Variants in RANBP17 observed in about 807,000 individuals in gnomAD.
RANBP17 encodes ran-binding protein 17.
Under a neutral mutation model 141.2 loss-of-function variants are expected in RANBP17, and 158 were observed. The observed-to-expected ratio is 1.12, with a 90% CI of 0.98 to 1.28. The LOEUF (loss-of-function observed/expected upper bound fraction) is 1.28, where lower values mean the gene tolerates loss of function less well. RANBP17 is among the 50% of genes most tolerant of loss of function. The pLI, the probability that RANBP17 is intolerant of heterozygous loss-of-function variation, is 0.00. For missense variants in RANBP17, 1,438 were observed against 1,290.7 expected (o/e 1.11, Z -1.75); for synonymous variants, 430 against 450.0 (o/e 0.96, Z 0.56).
At chr5:171,238,258 T>C (rs894559802) in intron 22 of RANBP17, among the ~76,000 whole-genome samples, 10 of 152,172 alleles carry the variant, frequency 6.6e-5, no homozygotes, top group Non-Finnish European at 1.0e-4. Flanking sequence ...AGGTCTGATT[T>C]TTCACACAAA....
Position 171,007,741 on chromosome 5 carries a change from C to T in RANBP17, c.1710+39364C>T, listed in dbSNP as rs191640564. Among the ~76,000 whole-genome samples the T allele has an allele frequency of 5.7e-3, 862 of 152,110 alleles. 5 individuals are homozygous for T. Among genetic ancestry groups the T allele is most frequent in the South Asian group, 0.025 (122 of 4,798 alleles). Reference sequence around the variant, plus strand: ...TTTTCTGGCCATTTAGAACCATTGTCGAGTTTGTACTGGGGCCAAGCAGTG... The same window carrying T: ...TTTTCTGGCCATTTAGAACCATTGTTGAGTTTGTACTGGGGCCAAGCAGTG... On this transcript the variant is annotated intron_variant, in intron 14 of 27. Coordinates refer to ENST00000523189, the MANE Select transcript of RANBP17 (RefSeq NM_022897.5).
intron 14 of RANBP17, among the ~76,000 whole-genome samples, chr5:171,061,648 G>T (rs1783863347): frequency 1.3e-5 from 2 of 152,156 alleles, no homozygotes; most frequent in South Asian, 2.1e-4. Flanking sequence ...TGTTGATTTG[G>T]GGTGGAGAGT....
intron 14 of RANBP17, among the ~76,000 whole-genome samples, chr5:171,059,473 T>C (rs1320688597): frequency 6.6e-6 from 1 of 152,096 alleles, no homozygotes; most frequent in Admixed American, 6.5e-5. Context: ...CAGATAGTTG[T>C]AGATATGCAG....
chr5:171,203,047 G>A (rs1410756907), intron 19 of RANBP17, among the ~76,000 whole-genome samples: 2 of 152,058 alleles, frequency 1.3e-5, no homozygotes, highest in Admixed American at 1.3e-4. Context: ...GAAGAACTCA[G>A]CAGTTTCTCC....
intron 14 of RANBP17, among the ~76,000 whole-genome samples, chr5:171,051,095 G>A (rs1782923168): frequency 6.6e-6 from 1 of 152,064 alleles, no homozygotes; most frequent in Non-Finnish European, 1.5e-5. Flanking sequence ...TTCTTGGGCT[G>A]CTTTCAGGAT....
intron 13 of RANBP17, among the ~76,000 whole-genome samples, chr5:170,958,657 A>T (rs1256961467): frequency 6.6e-6 from 1 of 152,078 alleles, no homozygotes; most frequent in African/African-American, 2.4e-5. Flanking sequence ...TAGCATTCCA[A>T]CTCCTCAGAG....
At chr5:171,280,304 A>G (rs2128035878) in intron 25 of RANBP17, among the ~76,000 whole-genome samples, 1 of 151,952 alleles carries the variant, frequency 6.6e-6, no homozygotes, top group African/African-American at 2.4e-5. Context: ...TTTAAATAGG[A>G]TATCACCTTG....
intron 21 of RANBP17, among the ~76,000 whole-genome samples, chr5:171,215,270 G>A (rs543863329): frequency 2.6e-5 from 4 of 152,104 alleles, no homozygotes; most frequent in Non-Finnish European, 5.9e-5. Flanking sequence ...GTTCCGTGGT[G>A]TATATGTGCC....
In RANBP17 at chr5:170,924,463, G is replaced by C. The variant is rs1288511684; in HGVS notation, c.1381G>C (p.Val461Leu). 1 of 1,613,348 alleles carries C rather than the reference G, an allele frequency of 6.2e-7. No homozygotes were observed. The highest frequency in any genetic ancestry group is 1.7e-5 in the Admixed American group (1 of 60,004). ...CEYEKTCALL[V>L]QLFDQNAQNY... is the part of the protein sequence containing the mutation. ...ATATGAAAAGACATGTGCTCTTCTT[G>C]TGCAGTTATTCGACCAAAATGCACA... The change falls in exon 12 of 28, where the codon GTG (valine) becomes CTG (leucine). Residue 461 changes from valine to leucine, a missense_variant. Coordinates refer to ENST00000523189, the MANE Select transcript of RANBP17 (RefSeq NM_022897.5).
At chr5:171,019,935 A>G (rs1374781701) in intron 14 of RANBP17, among the ~76,000 whole-genome samples, 2 of 152,078 alleles carry the variant, frequency 1.3e-5, no homozygotes, top group Admixed American at 1.3e-4. Context: ...CCCTCTCAAC[A>G]TTGCTTTAGC....
intron 13 of RANBP17, among the ~76,000 whole-genome samples, chr5:170,954,511 TACACACACACAC>T (rs71787034): frequency 4.8e-5 from 6 of 125,702 alleles, no homozygotes; most frequent in Admixed American, 9.2e-5. Flanking sequence ...TGGTATATTT[TACACACACACAC>T]ACACACACAC....
Position 170,972,175 on chromosome 5 carries a change from A to ATTT in RANBP17, c.1710+3819_1710+3821dup, listed in dbSNP as rs5873248. On this transcript the variant is annotated intron_variant, in intron 14 of 27. Transcript: ENST00000523189. ...GTATTATGCAGTTTGGATCTTTAGG[A>ATTT]TTTTTTTTTTTTTTTTTTTTTTTGA... Among the ~76,000 whole-genome samples, 174 of 101,314 alleles carry ATTT rather than the reference A, an allele frequency of 1.7e-3. 4 individuals are homozygous for ATTT. In the East Asian group the frequency reaches 0.036, roughly 21 times the overall value. The allele number at this position is 101,314 out of a possible 152,430, so 66.5% of individuals were successfully genotyped here. A position where few individuals can be genotyped will look rare whatever the true frequency, so the allele number is the denominator to read the frequency against.
intron 14 of RANBP17, among the ~76,000 whole-genome samples, chr5:171,064,135 C>T (rs1784128391): frequency 6.6e-6 from 1 of 152,222 alleles, no homozygotes; most frequent in African/African-American, 2.4e-5. Context: ...AATGCCTCGC[C>T]CTGCTTCGGC....
intron 12 of RANBP17, among the ~76,000 whole-genome samples, chr5:170,951,548 A>G (rs1581222036): frequency 6.6e-6 from 1 of 152,272 alleles, no homozygotes; most frequent in South Asian, 2.1e-4. Flanking sequence ...GGGAAAATCT[A>G]ATGAGACATA....
intron 18 of RANBP17, 107 bp downstream of exon 18, chr5:171,183,537 G>A (rs533084279): frequency 9.8e-5 from 70 of 716,070 alleles, no homozygotes; most frequent in South Asian, 9.0e-4. Flanking sequence ...TAGAATTAGC[G>A]TCTTCTGACA....
chr5:171,161,839 A>T (rs1280616899), intron 14 of RANBP17, among the ~76,000 whole-genome samples: 1 of 152,298 alleles, frequency 6.6e-6, no homozygotes, highest in East Asian at 1.9e-4. Flanking sequence ...TCTAGAGCAC[A>T]TGTATCCCTT....
intron 24 of RANBP17, among the ~76,000 whole-genome samples, chr5:171,246,853 T>C (rs1051201230): frequency 6.6e-6 from 1 of 152,192 alleles, no homozygotes; most frequent in Non-Finnish European, 1.5e-5. Flanking sequence ...GTGTTTCATG[T>C]GGATACTTGA....
intron 25 of RANBP17, among the ~76,000 whole-genome samples, chr5:171,293,538 A>G (rs1223537265): frequency 6.6e-6 from 1 of 152,194 alleles, no homozygotes; most frequent in African/African-American, 2.4e-5. Context: ...CAGGAAGGTG[A>G]GCTGAGCTTT....
chr5:171,283,924 G>A (rs1170542458), intron 25 of RANBP17, among the ~76,000 whole-genome samples: 1 of 152,076 alleles, frequency 6.6e-6, no homozygotes, highest in Non-Finnish European at 1.5e-5. Flanking sequence ...CTTTCTTCTT[G>A]GTACATTACA....
Sources: gnomAD v4.1 joint callset for allele counts (sites outside exome capture counted in the v4.1 genomes callset) on GRCh38, gnomAD v4.1.1 for gene constraint, MANE v1.5 for transcripts, NCBI Gene and HGNC (gene_info 2026-07-23, HGNC 2026-07-21) for gene names.